The following SLFN12L variants were observed in gnomAD, a reference collection of about 807,000 sequenced individuals.
SLFN12L encodes schlafen family member 12-like.
SLFN12L carries 34 observed loss-of-function variants against 34.8 expected under a neutral mutation model. That is an observed-to-expected ratio of 0.98 (90% CI 0.74 to 1.30). The LOEUF (loss-of-function observed/expected upper bound fraction) is 1.30, where lower values mean the gene tolerates loss of function less well. Ranked by LOEUF, SLFN12L falls within the 50% of genes most tolerant of loss-of-function variation. The pLI is 0.00. For synonymous variants in SLFN12L, 259 were observed against 247.5 expected, an observed-to-expected ratio of 1.05 and a Z score of -0.44; for missense variants, 703 against 696.2, an observed-to-expected ratio of 1.01 and a Z score of -0.11.
Position 35,474,948 on chromosome 17 carries a change from CAACAAACAAACAAACAAAAACGA to C in SLFN12L, c.1791_1813del (p.Phe597LeufsTer44), listed in dbSNP as rs1203466724. The C allele has an allele frequency of 3.1e-5, 48 of 1,548,454 alleles. No homozygotes were observed. The highest frequency in any genetic ancestry group is 4.2e-5 in the Non-Finnish European group (48 of 1,146,166). ...TCATCTCAAGAAAAAACAAACAAAC[CAACAAACAAACAAACAAAAACGA>C]AACAAACAAACAAACAAAAAGATTT... On this transcript the variant is annotated frameshift_variant, in exon 5 of 5. Coordinates refer to ENST00000628453, the MANE Select transcript of SLFN12L (RefSeq NM_001363830.2). LOFTEE classifies it high-confidence loss of function.
rs1003739590 is a variant in SLFN12L at position 35,471,534 on chromosome 17, G to C, written c.*3389C>G. Among the ~76,000 whole-genome samples, 1 of 152,156 alleles carries C rather than the reference G, an allele frequency of 6.6e-6. No homozygotes were observed. Among genetic ancestry groups the C allele is most frequent in the Non-Finnish European group, 1.5e-5 (1 of 68,032 alleles). ...ATGGTATTTCTGGTTCTAGATCCTTGAGGAATCGCCACACTGTCTTCCACA... is the reference window on the plus strand; with the variant it reads ...ATGGTATTTCTGGTTCTAGATCCTTCAGGAATCGCCACACTGTCTTCCACA... On this transcript the variant is annotated 3_prime_UTR_variant, in exon 5 of 5. Coordinates refer to ENST00000628453, the MANE Select transcript of SLFN12L (RefSeq NM_001363830.2).
rs1016692648 is a variant in SLFN12L, at chr17:35,465,600, T to C, written c.*9323A>G. Among the ~76,000 whole-genome samples, 3 of 151,730 alleles carry C rather than the reference T, an allele frequency of 2.0e-5. No homozygotes were observed. Among genetic ancestry groups the C allele is most frequent in the Non-Finnish European group, 4.4e-5 (3 of 67,946 alleles). ...TACATAAAACCTCATTTATATAACA[T>C]AAAAGGGATAAAGGAGATAAGTATT... On this transcript the variant is annotated 3_prime_UTR_variant, in exon 5 of 5. Coordinates refer to ENST00000628453, the MANE Select transcript of SLFN12L (RefSeq NM_001363830.2).
At chr17:35,477,972 A>G in intron 4 of SLFN12L, 103 bp downstream of exon 4, 2 of 718,232 alleles carry the variant, frequency 2.8e-6, no homozygotes, top group Non-Finnish European at 4.5e-6. Flanking sequence ...CATAAACAAA[A>G]GAATGTGCTT....
intron 1 of SLFN12L, among the ~76,000 whole-genome samples, chr17:35,530,418 GAAGGAAGGAAGGGAAGGGAAGGGAAGAAA>G (rs2072385265): frequency 2.5e-4 from 3 of 11,778 alleles, no homozygotes; most frequent in South Asian, 6.4e-3. Context: ...AGGAAGGAAG[GAAGGAAGGAAGGGAAGGGAAGGGAAGAAA>G]GAAAGAAAGA....
chr17:35,532,441 C>CA lies in SLFN12L; in HGVS notation c.-606+5131dup, dbSNP rs11323761. 3.0e-3 allele frequency among the ~76,000 whole-genome samples: 355 copies of CA among 118,892 alleles called. 2 individuals are homozygous for CA. Among genetic ancestry groups the CA allele is most frequent in the African/African-American group, 7.9e-3 (236 of 29,990 alleles). The allele number at this position is 118,892 out of a possible 152,430, so 78.0% of individuals were successfully genotyped here. On this transcript the variant is annotated intron_variant, in intron 1 of 4. Coordinates refer to ENST00000628453, the MANE Select transcript of SLFN12L (RefSeq NM_001363830.2). ...TGCAAAAGGGAGTGAGACTCCATCT[C>CA]AAAAAAAAAAAAAAAGGCACAAAAG...
At position 35,474,594 on chromosome 17, in the gene SLFN12L, C is replaced by T. The variant is rs1597824656; in HGVS notation, c.*329G>A. 4.4e-6 allele frequency: 1 copy of T among 226,554 alleles called. No individual in the cohort carries two copies. The highest frequency in any genetic ancestry group is 1.1e-4 in the East Asian group (1 of 9,288). The allele number at this position is 226,554 out of a possible 1,614,324, so 14.0% of individuals were successfully genotyped here. ...ATCTATACTGATTATCTGGGAGATG[C>T]TGGAAATGTCAAAGGCTAATTGGTC... On this transcript the variant is annotated 3_prime_UTR_variant, in exon 5 of 5. Transcript: ENST00000628453.
chr17:35,486,012 T>C (rs1914567324), intron 2 of SLFN12L, among the ~76,000 whole-genome samples: 1 of 152,244 alleles, frequency 6.6e-6, no homozygotes, highest in Non-Finnish European at 1.5e-5. Context: ...ATACAAATTT[T>C]AAATCATTTT....
At chr17:35,498,183 G>GTGGGGAGCCGGTGCCGCC in intron 2 of SLFN12L, 1 of 624,828 alleles carries the variant, frequency 1.6e-6, no homozygotes, top group South Asian at 1.8e-5. Flanking sequence ...AGGCGGCGGC[G>GTGGGGAGCCGGTGCCGCC]TGGGGAGCCG....
chr17:35,516,477 A>T (rs184487223), intron 2 of SLFN12L, among the ~76,000 whole-genome samples: 396 of 152,328 alleles, frequency 2.6e-3, no homozygotes, highest in African/African-American at 9.0e-3. Flanking sequence ...GTCAGCCTTG[A>T]CACTATTGAG....
intron 2 of SLFN12L, among the ~76,000 whole-genome samples, chr17:35,514,083 A>C (rs1915739282): frequency 6.6e-6 from 1 of 152,252 alleles, no homozygotes; most frequent in South Asian, 2.1e-4. Flanking sequence ...TCCCTCGTTC[A>C]ATACATTGAG....
Position 35,468,030 on chromosome 17 carries a change from C to T in SLFN12L, c.*6893G>A, listed in dbSNP as rs1403922922. Among the ~76,000 whole-genome samples the T allele has an allele frequency of 6.6e-6, 1 of 152,186 alleles. No individual in the cohort carries two copies. Among genetic ancestry groups the T allele is most frequent in the Non-Finnish European group, 1.5e-5 (1 of 68,038 alleles). On this transcript the variant is annotated 3_prime_UTR_variant, in exon 5 of 5. Transcript: ENST00000628453. ...GTTCAGACAATCCTCTCACCTCAGC[C>T]TCCTGAGAAGCTGCGACCACAGGCA...
rs532409803 is a variant in SLFN12L at position 35,522,681 on chromosome 17, C to CT, written c.-318dup. On this transcript the variant is annotated 5_prime_UTR_variant, in exon 2 of 5. An upstream open reading frame in the 5' UTR gains an earlier in-frame stop. Transcript: ENST00000628453. ...AGAGGACCTTGGCCCTGACACACAC[C>CT]TCCCCAGTGTAGCCCCCCATGTTCA... The CT allele has an allele frequency of 3.9e-3, 6,355 of 1,614,120 alleles. 17 individuals are homozygous for CT. Among genetic ancestry groups the CT allele is most frequent in the Non-Finnish European group, 4.8e-3 (5,708 of 1,179,994 alleles).
At position 35,466,593 on chromosome 17, in the gene SLFN12L, C is replaced by G. The variant is rs1567634621; in HGVS notation, c.*8330G>C. Among the ~76,000 whole-genome samples, 1 of 152,160 alleles carries G rather than the reference C, an allele frequency of 6.6e-6. No homozygotes were observed. Among genetic ancestry groups the G allele is most frequent in the Non-Finnish European group, 1.5e-5 (1 of 68,036 alleles). On this transcript the variant is annotated 3_prime_UTR_variant, in exon 5 of 5. Coordinates refer to ENST00000628453, the MANE Select transcript of SLFN12L (RefSeq NM_001363830.2). ...TTTCATCCTTTTTGGGTTTTCATGGCAAAATATTCTTCACTTACAAATTTT... is the reference window on the plus strand; with the variant it reads ...TTTCATCCTTTTTGGGTTTTCATGGGAAAATATTCTTCACTTACAAATTTT...
chr17:35,526,683 G>A (rs1019836826), intron 1 of SLFN12L, among the ~76,000 whole-genome samples: 1 of 151,984 alleles, frequency 6.6e-6, no homozygotes, highest in Non-Finnish European at 1.5e-5. Flanking sequence ...ACAACGTGCC[G>A]GAATCTCTGG....
chr17:35,483,064 G>T (rs948319337), intron 2 of SLFN12L, among the ~76,000 whole-genome samples: 1 of 152,170 alleles, frequency 6.6e-6, no homozygotes. Flanking sequence ...TACCCTCTCT[G>T]CTGAGCGCTT....
rs761581048 is a variant in SLFN12L, at chr17:35,479,156, C to T, written c.1126G>A (p.Glu376Lys). 6 of 1,571,480 alleles carry T rather than the reference C, an allele frequency of 3.8e-6. No homozygotes were observed. In the East Asian group the frequency reaches 9.3e-5, roughly 24 times the overall value. ...VKDNRVKQLT[E>K]KEWIQFMVDS... is the part of the protein sequence containing the mutation. Reference sequence around the variant, plus strand: ...ACCATGAACTGGATCCATTCCTTCTCGGTCAACTGCTTAACTCTGTTATCT... The same window carrying T: ...ACCATGAACTGGATCCATTCCTTCTTGGTCAACTGCTTAACTCTGTTATCT... Residue 376 changes from glutamate to lysine, a missense_variant, in exon 3 of 5, where the codon GAG (glutamate) becomes AAG (lysine). By Grantham distance (56) the Glu-to-Lys change is moderately conservative (BLOSUM62 1). Coordinates refer to ENST00000628453, the MANE Select transcript of SLFN12L (RefSeq NM_001363830.2).
intron 2 of SLFN12L, among the ~76,000 whole-genome samples, chr17:35,489,145 A>G (rs939538311): frequency 2.6e-5 from 4 of 152,148 alleles, no homozygotes; most frequent in Admixed American, 6.5e-5. Context: ...CTCTAAGGAA[A>G]CAGCTTCACT....
chr17:35,530,717 G>T (rs1011206386), intron 1 of SLFN12L, among the ~76,000 whole-genome samples: 4 of 152,022 alleles, frequency 2.6e-5, no homozygotes, highest in African/African-American at 9.7e-5. Flanking sequence ...ATTTGGGAGT[G>T]GTTGTGCAAA....
chr17:35,476,511 A>C (rs371656283), intron 4 of SLFN12L, among the ~76,000 whole-genome samples: 1 of 147,536 alleles, frequency 6.8e-6, no homozygotes, highest in African/African-American at 2.6e-5. Flanking sequence ...GGAAGGAAGG[A>C]AGGAAGGAAA....
Sources: gnomAD v4.1 joint callset for allele counts (sites outside exome capture counted in the v4.1 genomes callset) on GRCh38, gnomAD v4.1.1 for gene constraint, MANE v1.5 for transcripts, NCBI Gene and HGNC (gene_info 2026-07-23, HGNC 2026-07-21) for gene names.